The following COQ6 variants were observed in gnomAD, a reference collection of about 807,000 sequenced individuals.
COQ6 encodes the protein ubiquinone biosynthesis monooxygenase COQ6, mitochondrial.
COQ6 carries 45 observed loss-of-function variants against 55.5 expected under a neutral mutation model. The observed-to-expected ratio is 0.81, with a 90% CI of 0.64 to 1.04. The LOEUF (loss-of-function observed/expected upper bound fraction) is 1.04. COQ6 is among the 50% of genes least tolerant of loss of function. The pLI is 0.00. For synonymous variants in COQ6, 206 were observed against 230.5 expected (o/e 0.89, Z 0.96); for missense variants, 550 against 601.3 (o/e 0.91, Z 0.89).
upstream of COQ6, chr14:73,950,068 G>A (rs777329916): frequency 1.7e-5 from 27 of 1,607,012 alleles, no homozygotes; most frequent in Non-Finnish European, 2.1e-5. Context: ...CAGCGATAGT[G>A]GCAGCAGCGG....
chr14:73,955,014 C>T (rs1300250858), intron 2 of COQ6, among the ~76,000 whole-genome samples: 12 of 143,426 alleles, frequency 8.4e-5, no homozygotes, highest in East Asian at 4.3e-4. Context: ...TGCAGTGGCA[C>T]GATCTCGGCT....
At chr14:73,951,066 G>C (rs1409879772) in intron 1 of COQ6, among the ~76,000 whole-genome samples, 1 of 152,118 alleles carries the variant, frequency 6.6e-6, no homozygotes, top group East Asian at 1.9e-4. Flanking sequence ...GCACGATCAC[G>C]GCTCACTGTA....
intron 1 of COQ6, among the ~76,000 whole-genome samples, chr14:73,951,917 G>A (rs2056209812): frequency 7.1e-6 from 1 of 141,828 alleles, no homozygotes; most frequent in Non-Finnish European, 1.5e-5. Context: ...GGGGGAGGTT[G>A]CAGTGAGCTG....
rs1252527076 is a variant in COQ6 at position 73,954,963 on chromosome 14, T to A, written c.299-488T>A. ...TTTTTTTTTTTATTTTATTTTTTTT[T>A]TTTTTTGAGACGGAGTCTCGCTCTG... On this transcript the variant is annotated intron_variant, in intron 2 of 11. Coordinates refer to ENST00000334571, the MANE Select transcript of COQ6 (RefSeq NM_182476.3). Among the ~76,000 whole-genome samples the A allele has an allele frequency of 4.1e-5, 6 of 145,532 alleles. No individual in the cohort carries two copies. The East Asian group carries it at 6.0e-4, about 15-fold the overall frequency.
upstream of COQ6, chr14:73,950,239 C>T (rs1446689479): frequency 5.8e-6 from 9 of 1,538,536 alleles, no homozygotes; most frequent in Non-Finnish European, 7.8e-6. Flanking sequence ...CTGAGGACGC[C>T]GCGGAAGCGG....
At position 73,962,973 on chromosome 14, in the gene COQ6, C is replaced by G. The variant is rs778363311; in HGVS notation, c.1381C>G (p.Gln461Glu). The G allele has an allele frequency of 1.6e-5, 26 of 1,608,052 alleles. No individual in the cohort carries two copies. The highest frequency in any genetic ancestry group is 2.2e-5 in the Non-Finnish European group (26 of 1,174,820). ...ATNAVSPLKE[Q>E]IMAFASK ...TTCACTTTTATTTTTTCTCCAGGAACAGATTATGGCCTTTGCAAGCAAATG... is the reference window on the plus strand; with the variant it reads ...TTCACTTTTATTTTTTCTCCAGGAAGAGATTATGGCCTTTGCAAGCAAATG... The change falls in exon 12 of 12, where the codon CAG becomes GAG. Residue 461 changes from glutamine (Q) to glutamate (E), a missense_variant. Gln to Glu is a conservative substitution (Grantham distance 29). Transcript: ENST00000334571.
intron 2 of COQ6, among the ~76,000 whole-genome samples, chr14:73,954,799 C>G (rs542776432): frequency 6.3e-4 from 91 of 143,964 alleles, no homozygotes; most frequent in African/African-American, 2.3e-3. Flanking sequence ...AGCCGAGATC[C>G]CGCCACTGCA....
chr14:73,962,812 G>T (rs2056808630), intron 11 of COQ6, 158 bp from the exon 12 acceptor site: 1 of 650,592 alleles, frequency 1.5e-6, no homozygotes, highest in African/African-American at 1.8e-5. Flanking sequence ...GTGAGACCCT[G>T]TCTCTAAAAC....
rs757329232 is a variant in COQ6 at position 73,961,751 on chromosome 14, C to T, written c.1225C>T (p.Leu409Phe). 2 of 1,614,144 alleles carry T rather than the reference C, an allele frequency of 1.2e-6. No homozygotes were observed. Among genetic ancestry groups the T allele is most frequent in the Admixed American group, 1.7e-5 (1 of 60,020 alleles). ...CTGCCCTTCAGGTTCCGTGAGCCAC[C>T]TCACAGGTTATGAAACAGAAAGACA... ...NGKDLGSVSH[L>F]TGYETERQRH... Residue 409 changes from leucine (L) to phenylalanine (F), a missense_variant, in exon 11 of 12, where the codon CTC (leucine) becomes TTC (phenylalanine). Coordinates refer to ENST00000334571, the MANE Select transcript of COQ6 (RefSeq NM_182476.3).
chr14:73,950,331 C>G lies in COQ6; in HGVS notation c.-2C>G, dbSNP rs779659217. On this transcript the variant is annotated 5_prime_UTR_variant, in exon 1 of 12. Coordinates refer to ENST00000334571, the MANE Select transcript of COQ6 (RefSeq NM_182476.3). ...CTGAGTGCGACGGCGCAGGTCTGCA[C>G]CATGGCGGCCCGGCTTGTCAGCCGA... The G allele has an allele frequency of 1.4e-5, 21 of 1,550,136 alleles. No homozygotes were observed. The Middle Eastern group carries it at 2.3e-3, about 172-fold the overall frequency.
At chr14:73,949,964 T>C, upstream of COQ6, 1 of 1,613,352 alleles carries the variant, frequency 6.2e-7, no homozygotes, top group Non-Finnish European at 8.5e-7. Flanking sequence ...GTCTCTTTTC[T>C]CTCCTCACCT....
chr14:73,958,669 C>G, intron 5 of COQ6: 1 of 1,320,222 alleles, frequency 7.6e-7, no homozygotes, highest in African/African-American at 1.5e-5. Context: ...CTATTCAGCT[C>G]CAGTGTGTGC....
intron 4 of COQ6, chr14:73,956,271 T>G (rs2056432849): frequency 3.3e-6 from 1 of 302,106 alleles, no homozygotes; most frequent in Non-Finnish European, 6.5e-6. Context: ...GAGCTTGCAG[T>G]GAGCCGAGAT....
chr14:73,950,274 G>A (rs1321038514), upstream of COQ6: 61 of 1,539,388 alleles, frequency 4.0e-5, no homozygotes, highest in Non-Finnish European at 5.0e-5. Flanking sequence ...GCTCTGCTCC[G>A]GACGCACTAC....
chr14:73,961,388 C>G lies in COQ6; in HGVS notation c.1094+13C>G, dbSNP rs369469021. Reference sequence around the variant, plus strand: ...TGGCGCTCATTGGGTAAGACGATAACAGAGCAGGGCCACTCCCTTCTCACT... The same window carrying G: ...TGGCGCTCATTGGGTAAGACGATAAGAGAGCAGGGCCACTCCCTTCTCACT... On this transcript the variant is annotated intron_variant, in intron 9 of 11. Transcript: ENST00000334571. The G allele has an allele frequency of 3.1e-6, 5 of 1,614,052 alleles. No individual in the cohort carries two copies. The African/African-American group carries it at 6.7e-5, about 22-fold the overall frequency.
intron 11 of COQ6, 36 bp downstream of exon 11, chr14:73,961,939 G>A: frequency 6.2e-7 from 1 of 1,611,552 alleles, no homozygotes; most frequent in African/African-American, 1.3e-5. Flanking sequence ...TTTGCAAACA[G>A]CTCTTAATTT....
Position 73,956,283 on chromosome 14 carries a change from A to T in COQ6, c.481+355A>T, listed in dbSNP as rs752363258. 1.2e-5 allele frequency: 3 copies of T among 260,094 alleles called. No homozygotes were observed. The Admixed American group carries it at 1.4e-4, about 12-fold the overall frequency. The allele number at this position is 260,094 out of a possible 1,614,324, so 16.1% of individuals were successfully genotyped here. A position where few individuals can be genotyped will look rare whatever the true frequency, so the allele number is the denominator to read the frequency against. On this transcript the variant is annotated intron_variant, in intron 4 of 11. Coordinates refer to ENST00000334571, the MANE Select transcript of COQ6 (RefSeq NM_182476.3). ...GTGGAGCTTGCAGTGAGCCGAGATCACGCCACTGCACTCCAGCCTGGGCGA... is the reference window on the plus strand; with the variant it reads ...GTGGAGCTTGCAGTGAGCCGAGATCTCGCCACTGCACTCCAGCCTGGGCGA...
At chr14:73,950,020 C>T, upstream of COQ6, 2 of 1,612,778 alleles carry the variant, frequency 1.2e-6, no homozygotes, top group South Asian at 2.2e-5. Context: ...GGCCTCCCCA[C>T]GGTCATTTCA....
chr14:73,949,955 TC>T, upstream of COQ6: 1 of 1,612,900 alleles, frequency 6.2e-7, no homozygotes, highest in Non-Finnish European at 8.5e-7. Context: ...CCGGGGGCAG[TC>T]TCTTTTCTCT....
Sources: allele counts gnomAD v4.1 joint callset (sites outside exome capture counted in the v4.1 genomes callset), GRCh38; gene constraint gnomAD v4.1.1; transcripts MANE v1.5; gene names NCBI Gene and HGNC (gene_info 2026-07-23, HGNC 2026-07-21).